ADAM23: variants seen among roughly 807,000 people sequenced by gnomAD.
ADAM23 encodes the protein disintegrin and metalloproteinase domain-containing protein 23.
A neutral mutation model predicts 120.1 loss-of-function variants in ADAM23; 33 were observed. The observed-to-expected ratio is 0.27, with a 90% CI of 0.21 to 0.37. The LOEUF (loss-of-function observed/expected upper bound fraction) is 0.37. ADAM23 is among the 10% of genes least tolerant of loss of function. ADAM23 has a pLI of 1.00. For missense variants in ADAM23, 862 were observed against 1,058.2 expected, an observed-to-expected ratio of 0.81 and a Z score of 2.57; for synonymous variants, 367 against 375.2, an observed-to-expected ratio of 0.98 and a Z score of 0.25.
At chr2:206,468,168 A>T (rs940704275) in intron 2 of ADAM23, among the ~76,000 whole-genome samples, 14 of 151,406 alleles carry the variant, frequency 9.2e-5, no homozygotes, top group African/African-American at 2.9e-4. Context: ...TCAGCACTTG[A>T]CTCCTTTTTC....
chr2:206,583,485 TCAGGTACAC>T (rs58708054), intron 18 of ADAM23, among the ~76,000 whole-genome samples: 1,620 of 152,070 alleles, frequency 0.011, 14 homozygotes, highest in Non-Finnish European at 0.015. Context: ...CTCTTCTTCC[TCAGGTACAC>T]CAATTATTCT....
chr2:206,570,754 G>C lies in ADAM23; in HGVS notation c.1509G>C (p.Thr503=). Residue 503 remains threonine, a synonymous_variant, in exon 16 of 26, where the codon ACG becomes ACC. Coordinates refer to ENST00000264377, the MANE Select transcript of ADAM23 (RefSeq NM_003812.4). ...AATCTCTTTAGCTATTTGAGCCCAC[G>C]GAATGTGGAAATGGATACGTGGAAG... ...FNRPTKLFEP[T]ECGNGYVEAG... is the part of the protein sequence containing the mutation. 1 of 1,613,750 alleles carries C rather than the reference G, an allele frequency of 6.2e-7. No individual in the cohort carries two copies.
At chr2:206,593,319 G>A (rs898211747) in intron 22 of ADAM23, among the ~76,000 whole-genome samples, 9 of 152,126 alleles carry the variant, frequency 5.9e-5, no homozygotes, top group Non-Finnish European at 1.2e-4. Context: ...TCCCTTCAAA[G>A]TAGTTATAAT....
At chr2:206,608,590 A>G (rs1698772383) in intron 24 of ADAM23, among the ~76,000 whole-genome samples, 1 of 151,932 alleles carries the variant, frequency 6.6e-6, no homozygotes, top group African/African-American at 2.4e-5. Context: ...TTATTGGTGT[A>G]TCTCTAAAGG....
At chr2:206,610,825 A>G (rs987494567) in intron 25 of ADAM23, among the ~76,000 whole-genome samples, 30 of 152,200 alleles carry the variant, frequency 2.0e-4, no homozygotes, top group African/African-American at 7.0e-4. Context: ...TTCATGCTAT[A>G]GTGAGTTGAT....
chr2:206,515,943 G>A (rs1328776861), intron 3 of ADAM23, among the ~76,000 whole-genome samples: 2 of 151,790 alleles, frequency 1.3e-5, no homozygotes, highest in Non-Finnish European at 2.9e-5. Context: ...TGTCAGAATT[G>A]GGCTGGGCTC....
intron 24 of ADAM23, among the ~76,000 whole-genome samples, chr2:206,598,140 G>A (rs1698565887): frequency 6.6e-6 from 1 of 152,100 alleles, no homozygotes; most frequent in African/African-American, 2.4e-5. Context: ...TAGATTTAGA[G>A]AAGATTTAAG....
intron 10 of ADAM23, among the ~76,000 whole-genome samples, chr2:206,559,459 C>G (rs2105820836): frequency 6.6e-6 from 1 of 152,236 alleles, no homozygotes; most frequent in East Asian, 1.9e-4. Context: ...CTCTCTCTCT[C>G]CCAATGTTAT....
At chr2:206,565,700 C>A (rs566424097) in intron 14 of ADAM23, among the ~76,000 whole-genome samples, 1 of 152,278 alleles carries the variant, frequency 6.6e-6, no homozygotes, top group Non-Finnish European at 1.5e-5. Context: ...GAGCCACTGC[C>A]CCCAGACCCC....
intron 2 of ADAM23, among the ~76,000 whole-genome samples, chr2:206,480,229 A>G (rs990685355): frequency 4.6e-5 from 7 of 152,144 alleles, no homozygotes; most frequent in African/African-American, 1.7e-4. Flanking sequence ...AGTTTCAATC[A>G]TCATAAATAC....
chr2:206,541,029 A>G (rs1697281728), intron 4 of ADAM23, among the ~76,000 whole-genome samples: 1 of 150,838 alleles, frequency 6.6e-6, no homozygotes, highest in Non-Finnish European at 1.5e-5. Context: ...ACTGAAGTGC[A>G]TAGTTTTCTT....
chr2:206,453,637 T>A (rs1353319455), intron 2 of ADAM23, among the ~76,000 whole-genome samples: 3 of 152,224 alleles, frequency 2.0e-5, no homozygotes, highest in Non-Finnish European at 4.4e-5. Flanking sequence ...AGAAATGCTA[T>A]TATAAAAAGG....
At chr2:206,548,481 C>T in intron 8 of ADAM23, 127 bp downstream of exon 8, 1 of 848,216 alleles carries the variant, frequency 1.2e-6, no homozygotes, top group Non-Finnish European at 1.8e-6. Flanking sequence ...AAAATGAAAA[C>T]AATAAACAAA....
chr2:206,445,188 AC>A (rs1356315209), intron 1 of ADAM23, 118 bp from the exon 2 acceptor site: 9 of 725,474 alleles, frequency 1.2e-5, no homozygotes, highest in Non-Finnish European at 2.1e-5. Context: ...TAAATAGAAA[AC>A]TTTGTGTTTG....
intron 10 of ADAM23, among the ~76,000 whole-genome samples, chr2:206,559,377 G>A (rs1465231016): frequency 6.6e-6 from 1 of 152,196 alleles, no homozygotes; most frequent in African/African-American, 2.4e-5. Context: ...AATATTGTGG[G>A]TGATGCCACC....
chr2:206,563,020 G>A (rs946235339), intron 13 of ADAM23, among the ~76,000 whole-genome samples: 1 of 152,194 alleles, frequency 6.6e-6, no homozygotes, highest in Non-Finnish European at 1.5e-5. Flanking sequence ...CATGAAAAAT[G>A]TTAATTTCTT....
At chr2:206,469,624 A>G (rs1250203966) in intron 2 of ADAM23, among the ~76,000 whole-genome samples, 1 of 152,178 alleles carries the variant, frequency 6.6e-6, no homozygotes, top group African/African-American at 2.4e-5. Context: ...CTCACTCAAA[A>G]TTCTCAGCAA....
At chr2:206,552,744 C>G (rs1185656233) in intron 9 of ADAM23, among the ~76,000 whole-genome samples, 1 of 152,180 alleles carries the variant, frequency 6.6e-6, no homozygotes, top group African/African-American at 2.4e-5. Context: ...TCGGCGCAAC[C>G]TGCGCCTCCG....
At chr2:206,593,853 C>T (rs867100219) in intron 22 of ADAM23, among the ~76,000 whole-genome samples, 3 of 151,996 alleles carry the variant, frequency 2.0e-5, no homozygotes, top group Middle Eastern at 3.4e-3. Context: ...AGCACTAAAA[C>T]ACATGAAATA....
Sources: allele counts gnomAD v4.1 joint callset (sites outside exome capture counted in the v4.1 genomes callset), GRCh38; gene constraint gnomAD v4.1.1; transcripts MANE v1.5; gene names NCBI Gene and HGNC (gene_info 2026-07-23, HGNC 2026-07-21).